The following SPAG16 variants were observed in gnomAD, a reference collection of about 807,000 sequenced individuals.
SPAG16 encodes the protein sperm associated antigen 16, also known as sperm-associated antigen 16 protein.
Under a neutral mutation model 80.4 loss-of-function variants are expected in SPAG16, and 86 were observed. The observed-to-expected ratio is 1.07, with a 90% CI of 0.90 to 1.28. The LOEUF (loss-of-function observed/expected upper bound fraction) is 1.28, where lower values mean the gene tolerates loss of function less well. Ranked by LOEUF, SPAG16 falls within the 50% of genes most tolerant of loss-of-function variation. SPAG16 has a pLI of 0.00. For missense variants in SPAG16, 870 were observed against 765.3 expected, an observed-to-expected ratio of 1.14 and a Z score of -1.61; for synonymous variants, 294 against 265.9, an observed-to-expected ratio of 1.11 and a Z score of -1.03.
intron 13 of SPAG16, among the ~76,000 whole-genome samples, chr2:214,091,555 C>T (rs10188076): frequency 0.57 from 87,166 of 151,908 alleles, 25,992 homozygotes; most frequent in African/African-American, 0.62. Context: ...GTTAGAACCA[C>T]GCCTGGCATA....
intron 9 of SPAG16, among the ~76,000 whole-genome samples, chr2:213,484,070 CT>C (rs548724270): frequency 2.2e-4 from 34 of 151,152 alleles, no homozygotes; most frequent in Admixed American, 1.1e-3. Context: ...GGTTGTACAT[CT>C]TTTTTTTCAT....
chr2:213,593,135 A>C (rs1056750845), intron 10 of SPAG16, among the ~76,000 whole-genome samples: 1 of 152,242 alleles, frequency 6.6e-6, no homozygotes. Context: ...AGATTAGCCA[A>C]TGTCTTTTCC....
At chr2:214,333,454 T>C (rs1480309488) in intron 15 of SPAG16, among the ~76,000 whole-genome samples, 2 of 152,202 alleles carry the variant, frequency 1.3e-5, no homozygotes, top group South Asian at 2.1e-4. Context: ...TCACCCACTT[T>C]CTACTTTGGA....
At chr2:214,230,074 A>C (rs558512439) in intron 15 of SPAG16, among the ~76,000 whole-genome samples, 22 of 152,000 alleles carry the variant, frequency 1.4e-4, no homozygotes, top group African/African-American at 4.8e-4. Flanking sequence ...GATTTCCCTA[A>C]ATTTTCAGTA....
Position 213,580,959 on chromosome 2 carries a change from T to C in SPAG16, c.1070+90869T>C, listed in dbSNP as rs1198852840. Among the ~76,000 whole-genome samples, 7 of 152,212 alleles carry C rather than the reference T, an allele frequency of 4.6e-5. No individual in the cohort carries two copies. The East Asian group carries it at 1.4e-3, about 29-fold the overall frequency. ...CTTTTGTAATTAAGTAAGCCTATAT[T>C]TTGTTTATGGATTTGTTCCTGTTTT... On this transcript the variant is annotated intron_variant, in intron 10 of 15. Coordinates refer to ENST00000331683, the MANE Select transcript of SPAG16 (RefSeq NM_024532.5).
intron 10 of SPAG16, among the ~76,000 whole-genome samples, chr2:213,658,705 G>A (rs933212721): frequency 1.5e-4 from 23 of 152,266 alleles, no homozygotes; most frequent in African/African-American, 5.1e-4. Context: ...TATGTCTCTA[G>A]AGAGGTGCTG....
rs192168848 is a variant in SPAG16, at chr2:214,285,907, G to T, written c.1721-124233G>T. 6.0e-4 allele frequency among the ~76,000 whole-genome samples: 92 copies of T among 152,274 alleles called. 1 individual carries two copies. The highest frequency in any genetic ancestry group is 2.1e-3 in the African/African-American group (89 of 41,548). On this transcript the variant is annotated intron_variant, in intron 15 of 15. Coordinates refer to ENST00000331683, the MANE Select transcript of SPAG16 (RefSeq NM_024532.5). ...TCCTAGTTTTGCTTTTGATGCCTAT[G>T]CTTTCACTGTCATAGCCAAAATGTC...
chr2:214,370,765 A>C (rs1342620665), intron 15 of SPAG16, among the ~76,000 whole-genome samples: 1 of 152,242 alleles, frequency 6.6e-6, no homozygotes, highest in Non-Finnish European at 1.5e-5. Context: ...AAAGAGTACA[A>C]GCTTTCAATT....
intron 10 of SPAG16, among the ~76,000 whole-genome samples, chr2:213,610,595 T>A (rs2061411070): frequency 6.6e-6 from 1 of 152,104 alleles, no homozygotes; most frequent in Non-Finnish European, 1.5e-5. Flanking sequence ...CAAAAGAGAG[T>A]TCTTGGATCT....
intron 10 of SPAG16, among the ~76,000 whole-genome samples, chr2:213,719,578 G>A (rs2066418906): frequency 1.3e-5 from 2 of 152,180 alleles, no homozygotes; most frequent in South Asian, 4.1e-4. Context: ...GAGAATAAAA[G>A]CAGGCTGCCC....
intron 10 of SPAG16, among the ~76,000 whole-genome samples, chr2:213,637,795 T>C (rs1341903296): frequency 6.6e-6 from 1 of 152,236 alleles, no homozygotes; most frequent in Non-Finnish European, 1.5e-5. Flanking sequence ...TCTCACTCTG[T>C]TGCCCAGGCT....
intron 7 of SPAG16, among the ~76,000 whole-genome samples, chr2:213,354,706 T>C (rs1441737143): frequency 6.6e-6 from 1 of 151,178 alleles, no homozygotes; most frequent in African/African-American, 2.4e-5. Context: ...TATCTGTTCA[T>C]ATACTTTGTT....
chr2:213,434,080 G>A (rs1244266558), intron 9 of SPAG16, among the ~76,000 whole-genome samples: 1 of 151,802 alleles, frequency 6.6e-6, no homozygotes, highest in South Asian at 2.1e-4. Context: ...GCCATGACCG[G>A]TTAATTTTTT....
chr2:213,878,881 C>T (rs1294129969), intron 11 of SPAG16, among the ~76,000 whole-genome samples: 1 of 152,052 alleles, frequency 6.6e-6, no homozygotes, highest in African/African-American at 2.4e-5. Context: ...TCCAGTTTTC[C>T]CAGCACCATT....
intron 14 of SPAG16, among the ~76,000 whole-genome samples, chr2:214,130,842 G>C (rs1461804219): frequency 6.6e-6 from 1 of 152,166 alleles, no homozygotes; most frequent in Non-Finnish European, 1.5e-5. Flanking sequence ...GAGGGAGAAT[G>C]CATCAATTTC....
intron 10 of SPAG16, among the ~76,000 whole-genome samples, chr2:213,545,709 T>A (rs1226385136): frequency 6.6e-6 from 1 of 152,140 alleles, no homozygotes; most frequent in Non-Finnish European, 1.5e-5. Context: ...CCTGTTTTTT[T>A]ATGTGGGAGG....
rs1051102697 is a variant in SPAG16, at chr2:213,633,886, T to TA, written c.1070+143797dup. Among the ~76,000 whole-genome samples, 20 of 152,284 alleles carry TA rather than the reference T, an allele frequency of 1.3e-4. No individual in the cohort carries two copies. In the East Asian group the frequency reaches 3.1e-3, roughly 23 times the overall value. On this transcript the variant is annotated intron_variant, in intron 10 of 15. Coordinates refer to ENST00000331683, the MANE Select transcript of SPAG16 (RefSeq NM_024532.5). ...TCCATCAGCATGGAATATCTTTTTT[T>TA]ATCCCTTTATTTTCAGTTTATGTGT...
At chr2:214,346,902 C>A (rs1698088193) in intron 15 of SPAG16, among the ~76,000 whole-genome samples, 1 of 152,164 alleles carries the variant, frequency 6.6e-6, no homozygotes, top group South Asian at 2.1e-4. Context: ...TCTATCCAAG[C>A]CTTGCCTAAA....
intron 10 of SPAG16, among the ~76,000 whole-genome samples, chr2:213,700,776 A>C (rs548962151): frequency 6.6e-6 from 1 of 152,174 alleles, no homozygotes; most frequent in Admixed American, 6.5e-5. Context: ...TCTTTTACAG[A>C]TTTTTAAAAA....
Sources: gnomAD v4.1 joint callset for allele counts (sites outside exome capture counted in the v4.1 genomes callset) on GRCh38, gnomAD v4.1.1 for gene constraint, MANE v1.5 for transcripts, NCBI Gene and HGNC (gene_info 2026-07-23, HGNC 2026-07-21) for gene names.